The following PPP1R13B variants were observed in gnomAD, a reference collection of about 807,000 sequenced individuals.
The protein encoded by PPP1R13B is protein phosphatase 1 regulatory subunit 13B.
A neutral mutation model predicts 119.8 loss-of-function variants in PPP1R13B; 44 were observed. The ratio of observed to expected loss-of-function variants is 0.37; its 90% CI spans 0.29 to 0.47. PPP1R13B has a LOEUF of 0.47. Among genes scored for constraint, PPP1R13B ranks in the 20% least tolerant of loss-of-function variants. The probability of loss-of-function intolerance (pLI) is 0.99; values close to 1 mark genes in which losing one functional copy is unlikely to be tolerated. For missense variants in PPP1R13B, 1,227 were observed against 1,413.5 expected (o/e 0.87, Z 2.12); for synonymous variants, 542 against 561.5 (o/e 0.97, Z 0.49).
intron 4 of PPP1R13B, among the ~76,000 whole-genome samples, chr14:103,765,986 T>TTTATTATTATTATTA (rs56171368): frequency 2.5e-3 from 349 of 139,052 alleles, no homozygotes; most frequent in African/African-American, 5.3e-3. Context: ...AAATTTTTAT[T>TTTATTATTATTATTA]TTATTATTAT....
intron 9 of PPP1R13B, among the ~76,000 whole-genome samples, chr14:103,743,334 G>C (rs557233111): frequency 2.5e-4 from 38 of 152,356 alleles, no homozygotes; most frequent in Non-Finnish European, 5.0e-4. Context: ...GATCACAGGA[G>C]GCCCGTGCAG....
At chr14:103,842,813 C>G (rs2086940169) in intron 1 of PPP1R13B, among the ~76,000 whole-genome samples, 2 of 151,650 alleles carry the variant, frequency 1.3e-5, no homozygotes. Flanking sequence ...TCCACCTCTA[C>G]TAAACATGCT....
chr14:103,791,965 T>G (rs73367012), intron 2 of PPP1R13B, among the ~76,000 whole-genome samples: 3,497 of 152,276 alleles, frequency 0.023, 139 homozygotes, highest in African/African-American at 0.079. Context: ...AGTAGCTTTA[T>G]TTTTAGTTGT....
At chr14:103,764,099 AG>A (rs2084879527) in intron 4 of PPP1R13B, 1 of 153,890 alleles carries the variant, frequency 6.5e-6, no homozygotes, top group Admixed American at 6.5e-5. Context: ...AGTCTGTGCG[AG>A]CAGATATTTC....
At chr14:103,749,063 A>C (rs1241070122) in intron 8 of PPP1R13B, among the ~76,000 whole-genome samples, 1 of 152,228 alleles carries the variant, frequency 6.6e-6, no homozygotes, top group African/African-American at 2.4e-5. Context: ...TTCTGTACTT[A>C]AGAGATTTAT....
intron 3 of PPP1R13B, among the ~76,000 whole-genome samples, chr14:103,782,293 G>A (rs1254384544): frequency 2.6e-5 from 4 of 152,218 alleles, no homozygotes; most frequent in Non-Finnish European, 5.9e-5. Context: ...AACATGTTTA[G>A]GAGATGGTCT....
intron 1 of PPP1R13B, among the ~76,000 whole-genome samples, chr14:103,832,450 AAAT>A (rs1355011307): frequency 1.3e-5 from 2 of 152,172 alleles, no homozygotes; most frequent in African/African-American, 4.8e-5. Flanking sequence ...GAAGCCTGGT[AAAT>A]TAGAACTGTG....
At chr14:103,801,897 TA>T (rs2085908879) in intron 1 of PPP1R13B, among the ~76,000 whole-genome samples, 1 of 152,208 alleles carries the variant, frequency 6.6e-6, no homozygotes, top group Admixed American at 6.5e-5. Flanking sequence ...ATTTCTATTT[TA>T]CAATAAATTT....
intron 1 of PPP1R13B, among the ~76,000 whole-genome samples, chr14:103,830,435 C>T (rs1208416021): frequency 1.3e-5 from 2 of 151,996 alleles, no homozygotes; most frequent in Non-Finnish European, 2.9e-5. Flanking sequence ...ATTTAAAACT[C>T]GTAAAACCTA....
In PPP1R13B at chr14:103,742,268, T is replaced by G. The variant is rs376661256; in HGVS notation, c.1344A>C (p.Pro448=). 4.1e-5 allele frequency: 64 copies of G among 1,569,880 alleles called. 1 individual carries two copies. In the African/African-American group the frequency reaches 7.6e-4, roughly 19 times the overall value. Reference sequence around the variant, plus strand: ...GCTTGCCTACACCCGGGATGGGAGGTGGCACTTTACCAATCTCGATGCCCT... The same window carrying G: ...GCTTGCCTACACCCGGGATGGGAGGGGGCACTTTACCAATCTCGATGCCCT... The part of the protein sequence containing the change: ...EKPGIEIGKV[P]PPIPGVGKQL... The change falls in exon 11 of 17, where the codon CCA becomes CCC. Residue 448 remains proline (P), a synonymous_variant. Transcript: ENST00000202556. This position sits in a 1 kb window ranked among gnomAD's most constrained non-coding sequence, Gnocchi z 4.9.
At chr14:103,809,102 C>T (rs1370392822) in intron 1 of PPP1R13B, among the ~76,000 whole-genome samples, 5 of 152,112 alleles carry the variant, frequency 3.3e-5, no homozygotes, top group Admixed American at 2.0e-4. Flanking sequence ...ATTATCCTCC[C>T]GCCTTGGCCT....
At chr14:103,777,535 T>C (rs946675020) in intron 4 of PPP1R13B, among the ~76,000 whole-genome samples, 1 of 151,784 alleles carries the variant, frequency 6.6e-6, no homozygotes, top group African/African-American at 2.4e-5. Flanking sequence ...AGAGATGCTG[T>C]GTTTACGTGC....
In PPP1R13B at chr14:103,808,356, G is replaced by T. The variant is rs183799315; in HGVS notation, c.10-10838C>A. Reference sequence around the variant, plus strand: ...GGATGTCCCTTGCTCTAAAGCAGGGGTGTCCCAACTTTGGGCTTCCCTGGG... The same window carrying T: ...GGATGTCCCTTGCTCTAAAGCAGGGTTGTCCCAACTTTGGGCTTCCCTGGG... On this transcript the variant is annotated intron_variant, in intron 1 of 16. Transcript: ENST00000202556. Among the ~76,000 whole-genome samples the T allele has an allele frequency of 2.6e-4, 39 of 152,256 alleles. 1 individual carries two copies. In the East Asian group the frequency reaches 7.1e-3, roughly 28 times the overall value.
intron 2 of PPP1R13B, chr14:103,794,625 G>C (rs1249444245): frequency 4.5e-6 from 2 of 447,058 alleles, no homozygotes; most frequent in Non-Finnish European, 9.0e-6. Context: ...ACAGTGCCCG[G>C]CCAGGTGCAG....
At chr14:103,779,103 C>A (rs1325457149) in intron 3 of PPP1R13B, among the ~76,000 whole-genome samples, 3 of 152,062 alleles carry the variant, frequency 2.0e-5, no homozygotes, top group Non-Finnish European at 4.4e-5. Flanking sequence ...GCCTCAGCAA[C>A]ATGGGGAGAC....
At position 103,733,216 on chromosome 14, in the gene PPP1R13B, T is replaced by C. The variant is rs552803888; in HGVS notation, c.*1938A>G. 10 of 661,398 alleles carry C rather than the reference T, an allele frequency of 1.5e-5. No individual in the cohort carries two copies. Among genetic ancestry groups the C allele is most frequent in the African/African-American group, 3.6e-5 (2 of 54,980 alleles). 41.0% of individuals were successfully genotyped at this position (661,398 alleles called of 1,614,324 possible). On this transcript the variant is annotated 3_prime_UTR_variant, in exon 17 of 17. Coordinates refer to ENST00000202556, the MANE Select transcript of PPP1R13B (RefSeq NM_015316.3). ...ACAGTTTATTAATGCTTTAAACAGC[T>C]TCATGTTTTAGAATTTGTGTATTGT... is the stretch of plus-strand genomic sequence containing the variant.
chr14:103,800,842 T>G (rs1048306498), intron 1 of PPP1R13B, among the ~76,000 whole-genome samples: 1 of 152,090 alleles, frequency 6.6e-6, no homozygotes, highest in Admixed American at 6.6e-5. Context: ...CCGTTACCAT[T>G]TCATTTTTTT....
chr14:103,779,875 C>A (rs942633945), intron 3 of PPP1R13B, among the ~76,000 whole-genome samples: 4 of 152,064 alleles, frequency 2.6e-5, no homozygotes, highest in Non-Finnish European at 2.9e-5. Flanking sequence ...TGCGGCCAGG[C>A]ATGGTGGCTC....
chr14:103,825,740 C>T (rs990907210), intron 1 of PPP1R13B, among the ~76,000 whole-genome samples: 8 of 152,062 alleles, frequency 5.3e-5, no homozygotes, highest in Admixed American at 3.3e-4. Context: ...GGTGAAACAA[C>T]AAGTAATGAC....
Sources: allele counts gnomAD v4.1 joint callset (sites outside exome capture counted in the v4.1 genomes callset), GRCh38; gene constraint gnomAD v4.1.1; non-coding constraint Gnocchi (gnomAD v3.1); transcripts MANE v1.5; gene names NCBI Gene and HGNC (gene_info 2026-07-23, HGNC 2026-07-21).